The following CLSTN2 variants were observed in gnomAD, a reference collection of about 807,000 sequenced individuals.
CLSTN2 encodes the protein calsyntenin 2, also known as calsyntenin-2.
CLSTN2 carries 48 observed loss-of-function variants against 101.2 expected under a neutral mutation model. The observed-to-expected ratio is 0.47, with a 90% CI of 0.38 to 0.60. The LOEUF (loss-of-function observed/expected upper bound fraction) is 0.60. Among genes scored for constraint, CLSTN2 ranks in the 20% least tolerant of loss-of-function variants. The pLI is 0.00. For synonymous variants in CLSTN2, 481 were observed against 463.6 expected (o/e 1.04, Z -0.48); for missense variants, 1,160 against 1,238.2 (o/e 0.94, Z 0.95).
rs940593403 is a variant in CLSTN2 at position 140,141,557 on chromosome 3, C to T, written c.110-34394C>T. 9.5e-4 allele frequency among the ~76,000 whole-genome samples: 144 copies of T among 152,294 alleles called. 2 individuals are homozygous for T. The highest frequency in any genetic ancestry group is 9.3e-3 in the Admixed American group (142 of 15,296). ...TGGCAATAATAGCAAGCCAGACAAC[C>T]CCTTGGCCTGGCCAGTACAGGGAAC... is the stretch of plus-strand genomic sequence containing the variant. On this transcript the variant is annotated intron_variant, in intron 1 of 16. Transcript: ENST00000458420.
chr3:140,244,167 G>T (rs911553442), intron 2 of CLSTN2, among the ~76,000 whole-genome samples: 58 of 152,340 alleles, frequency 3.8e-4, no homozygotes, highest in African/African-American at 1.3e-3. Context: ...GTAGCAACAT[G>T]CCAGAGGTCT....
chr3:140,420,901 GC>G (rs11338320), intron 4 of CLSTN2, among the ~76,000 whole-genome samples: 88,883 of 152,032 alleles, frequency 0.58, 28,474 homozygotes, highest in African/African-American at 0.86. Flanking sequence ...CAGTCCTATT[GC>G]GCAGCTAGGT....
chr3:140,481,558 T>A (rs1251930165), intron 8 of CLSTN2, among the ~76,000 whole-genome samples: 1 of 152,244 alleles, frequency 6.6e-6, no homozygotes, highest in African/African-American at 2.4e-5. Flanking sequence ...ATTTTCACGA[T>A]ATTGATTCTT....
chr3:140,570,328 T>C lies in CLSTN2; in HGVS notation c.*4075T>C, dbSNP rs1370219445. Reference sequence around the variant, plus strand: ...GACCTGAACATATTCTTTTTTTCATTATTATTCCTTGAACAATACAGTTTA... The same window carrying C: ...GACCTGAACATATTCTTTTTTTCATCATTATTCCTTGAACAATACAGTTTA... On this transcript the variant is annotated 3_prime_UTR_variant, in exon 17 of 17. Coordinates refer to ENST00000458420, the MANE Select transcript of CLSTN2 (RefSeq NM_022131.3). 2.0e-5 allele frequency: 3 copies of C among 152,252 alleles called. No homozygotes were observed. Among genetic ancestry groups the C allele is most frequent in the Non-Finnish European group, 4.4e-5 (3 of 68,046 alleles). 9.4% of individuals were successfully genotyped at this position (152,252 alleles called of 1,614,324 possible). A position where few individuals can be genotyped will look rare whatever the true frequency, so the allele number is the denominator to read the frequency against.
In CLSTN2 at chr3:140,573,044, G is replaced by A. The variant is rs1351388090; in HGVS notation, c.*6791G>A. ...ACTGCCCAGGAGAGGCTGCCATGAG[G>A]TCACTCATCCCCAGGAAGGCCACCT... is the stretch of plus-strand genomic sequence containing the variant. On this transcript the variant is annotated 3_prime_UTR_variant, in exon 17 of 17. Coordinates refer to ENST00000458420, the MANE Select transcript of CLSTN2 (RefSeq NM_022131.3). 2 of 152,196 alleles carry A rather than the reference G, an allele frequency of 1.3e-5. No homozygotes were observed. The highest frequency in any genetic ancestry group is 2.9e-5 in the Non-Finnish European group (2 of 68,086). The allele number at this position is 152,196 out of a possible 1,614,324, so 9.4% of individuals were successfully genotyped here. A position where few individuals can be genotyped will look rare whatever the true frequency, so the allele number is the denominator to read the frequency against.
At chr3:139,994,414 A>C (rs1369992327) in intron 1 of CLSTN2, among the ~76,000 whole-genome samples, 1 of 152,218 alleles carries the variant, frequency 6.6e-6, no homozygotes, top group African/African-American at 2.4e-5. Context: ...TTAACTGATG[A>C]GGAAACTGAG....
rs562654511 is a variant in CLSTN2, at chr3:140,550,093, C to T, written c.1674+3412C>T. Among the ~76,000 whole-genome samples the T allele has an allele frequency of 6.6e-5, 10 of 151,518 alleles. 3 individuals carry two copies. In the East Asian group the frequency reaches 2.0e-3, roughly 30 times the overall value. ...GTGGGAAAGAGCAAGAACTTTAGAA[C>T]TAGACACTCCTAGGTTCAAATCACT... On this transcript the variant is annotated intron_variant, in intron 10 of 16. Transcript: ENST00000458420.
At chr3:140,242,592 G>T (rs1265802080) in intron 2 of CLSTN2, among the ~76,000 whole-genome samples, 2 of 152,234 alleles carry the variant, frequency 1.3e-5, no homozygotes, top group East Asian at 3.9e-4. Context: ...CCACTTGGTT[G>T]GGAACTACAG....
At chr3:140,461,833 G>GCA (rs1933571014) in intron 7 of CLSTN2, among the ~76,000 whole-genome samples, 3 of 151,850 alleles carry the variant, frequency 2.0e-5, no homozygotes, top group Non-Finnish European at 4.4e-5. Flanking sequence ...TTCAGCTTGG[G>GCA]CCCTTATGTG....
At chr3:140,196,942 G>C (rs1242171665) in intron 2 of CLSTN2, among the ~76,000 whole-genome samples, 1 of 152,152 alleles carries the variant, frequency 6.6e-6, no homozygotes, top group Non-Finnish European at 1.5e-5. Context: ...TTTTTTATGA[G>C]TTTTGGCAAT....
intron 1 of CLSTN2, among the ~76,000 whole-genome samples, chr3:139,991,644 G>C (rs975484507): frequency 6.6e-6 from 1 of 152,248 alleles, no homozygotes; most frequent in Admixed American, 6.5e-5. Context: ...TATGCACCAT[G>C]CTCTGTTAGA....
chr3:140,235,824 G>T (rs570517778), intron 2 of CLSTN2, among the ~76,000 whole-genome samples: 71 of 152,240 alleles, frequency 4.7e-4, no homozygotes, highest in African/African-American at 2.4e-5. Context: ...GAGAAGGTGA[G>T]GACAGTTTAT....
intron 1 of CLSTN2, among the ~76,000 whole-genome samples, chr3:140,098,537 T>G (rs537410881): frequency 4.6e-5 from 7 of 152,354 alleles, no homozygotes; most frequent in African/African-American, 1.4e-4. Context: ...ATTAATTGCT[T>G]AATCAAAATA....
chr3:140,099,176 G>A (rs1392866680), intron 1 of CLSTN2, among the ~76,000 whole-genome samples: 17 of 152,158 alleles, frequency 1.1e-4, no homozygotes, highest in African/African-American at 4.1e-4. Flanking sequence ...TCTCCTAGAA[G>A]TCCTACTATA....
At chr3:140,219,447 C>A (rs753925430) in intron 2 of CLSTN2, among the ~76,000 whole-genome samples, 1 of 152,146 alleles carries the variant, frequency 6.6e-6, no homozygotes, top group Non-Finnish European at 1.5e-5. Flanking sequence ...TTCCTTAAAT[C>A]GGAGAATTCA....
At chr3:140,036,204 GGAGT>G (rs1436724874) in intron 1 of CLSTN2, among the ~76,000 whole-genome samples, 1 of 152,164 alleles carries the variant, frequency 6.6e-6, no homozygotes, top group Non-Finnish European at 1.5e-5. Context: ...TAGTATTTGA[GGAGT>G]GAGTGGTTGA....
At chr3:140,307,903 G>A (rs538060387) in intron 2 of CLSTN2, among the ~76,000 whole-genome samples, 3 of 152,290 alleles carry the variant, frequency 2.0e-5, no homozygotes, top group African/African-American at 4.8e-5. Context: ...TTAACAATTA[G>A]GGTTGTATGG....
chr3:140,433,286 C>A (rs944614834), intron 5 of CLSTN2, among the ~76,000 whole-genome samples: 1 of 152,248 alleles, frequency 6.6e-6, no homozygotes, highest in Non-Finnish European at 1.5e-5. Context: ...CCACTGGGAC[C>A]TGTCTTCATT....
At chr3:140,058,038 C>G (rs2008131980) in intron 1 of CLSTN2, among the ~76,000 whole-genome samples, 1 of 152,056 alleles carries the variant, frequency 6.6e-6, no homozygotes, top group Non-Finnish European at 1.5e-5. Flanking sequence ...CGGTCCATTT[C>G]ATTAGTAACC....
Sources: gnomAD v4.1 joint callset for allele counts (sites outside exome capture counted in the v4.1 genomes callset) on GRCh38, gnomAD v4.1.1 for gene constraint, MANE v1.5 for transcripts, NCBI Gene and HGNC (gene_info 2026-07-23, HGNC 2026-07-21) for gene names.